The following RXFP1 variants were observed in gnomAD, a reference collection of about 807,000 sequenced individuals.
RXFP1 encodes the protein relaxin family peptide receptor 1, also known as relaxin receptor 1.
RXFP1 carries 73 observed loss-of-function variants against 89.8 expected under a neutral mutation model. The ratio of observed to expected loss-of-function variants is 0.81; its 90% CI spans 0.67 to 0.99. The LOEUF is 0.99. Ranked by LOEUF, RXFP1 falls within the 50% of genes least tolerant of loss-of-function variation. The pLI is 0.00. For missense variants in RXFP1, 793 were observed against 895.5 expected (o/e 0.89, Z 1.46); for synonymous variants, 277 against 305.5 (o/e 0.91, Z 0.97).
At chr4:158,550,727 G>A (rs1380174567) in intron 1 of RXFP1, among the ~76,000 whole-genome samples, 2 of 152,184 alleles carry the variant, frequency 1.3e-5, no homozygotes, top group African/African-American at 4.8e-5. Context: ...TAGTCTATAT[G>A]GGGAATTAGT....
chr4:158,559,576 T>G (rs1077093), intron 1 of RXFP1, among the ~76,000 whole-genome samples: 7 of 152,194 alleles, frequency 4.6e-5, no homozygotes, highest in Admixed American at 2.0e-4. Flanking sequence ...AAAAATTTTT[T>G]CATATACCTA....
At chr4:158,568,491 T>C (rs946711854) in intron 1 of RXFP1, among the ~76,000 whole-genome samples, 11 of 152,344 alleles carry the variant, frequency 7.2e-5, no homozygotes, top group African/African-American at 2.6e-4. Flanking sequence ...AAAATCTTGG[T>C]GTTTAAAGTG....
chr4:158,522,733 T>C (rs1320779831), intron 1 of RXFP1, among the ~76,000 whole-genome samples: 1 of 152,216 alleles, frequency 6.6e-6, no homozygotes, highest in Non-Finnish European at 1.5e-5. Context: ...AGTGTTTTTG[T>C]TTCTTAGGTA....
chr4:158,616,815 A>G (rs1764673132), intron 8 of RXFP1, among the ~76,000 whole-genome samples: 1 of 151,566 alleles, frequency 6.6e-6, no homozygotes, highest in Admixed American at 6.6e-5. Flanking sequence ...CCTGGCTAAC[A>G]TGGTGAAACC....
At chr4:158,610,509 G>T (rs1294454587) in intron 6 of RXFP1, 9 of 406,114 alleles carry the variant, frequency 2.2e-5, no homozygotes, top group Admixed American at 3.0e-5. Flanking sequence ...ATCTAAGATG[G>T]GAAAACAATG....
chr4:158,561,626 CTTTTTT>C (rs70962615), intron 1 of RXFP1, among the ~76,000 whole-genome samples: 14 of 112,588 alleles, frequency 1.2e-4, no homozygotes, highest in African/African-American at 4.3e-4. Context: ...TTCTTTTTTT[CTTTTTT>C]TTTTTTTTTT....
chr4:158,633,313 T>C, intron 11 of RXFP1, 92 bp from the exon 12 acceptor site: 1 of 806,494 alleles, frequency 1.2e-6, no homozygotes, highest in Non-Finnish European at 2.1e-6. Flanking sequence ...ATGGCATTGT[T>C]GAAAAGTTGT....
chr4:158,627,368 T>C (rs953545800), intron 10 of RXFP1, among the ~76,000 whole-genome samples: 5 of 152,178 alleles, frequency 3.3e-5, no homozygotes, highest in African/African-American at 1.2e-4. Flanking sequence ...TTGCAACTAA[T>C]AAGTAGGTGA....
intron 1 of RXFP1, among the ~76,000 whole-genome samples, chr4:158,570,092 T>G (rs1036270639): frequency 6.6e-6 from 1 of 152,162 alleles, no homozygotes; most frequent in Non-Finnish European, 1.5e-5. Context: ...AGAAACGCAA[T>G]TGCAAATAAT....
rs33982853 is a variant in RXFP1, at chr4:158,595,986, CAAAAAAA to C, written c.286+2497_286+2503del. 1.1e-4 allele frequency among the ~76,000 whole-genome samples: 12 copies of C among 113,066 alleles called. 1 individual carries two copies. Among genetic ancestry groups the C allele is most frequent in the Admixed American group, 7.1e-4 (8 of 11,220 alleles). The allele number at this position is 113,066 out of a possible 152,430, so 74.2% of individuals were successfully genotyped here. A position where few individuals can be genotyped will look rare whatever the true frequency, so the allele number is the denominator to read the frequency against. On this transcript the variant is annotated intron_variant, in intron 3 of 17. Coordinates refer to ENST00000307765, the MANE Select transcript of RXFP1 (RefSeq NM_021634.4). ...CAACATAGTGAGAACCCAATCTCTCCAAAAAAAAAAAAAAAATTAAAACTTAGCTGTG... is the reference window on the plus strand; with the variant it reads ...CAACATAGTGAGAACCCAATCTCTCCAAAAAAAAATTAAAACTTAGCTGTG...
chr4:158,551,209 G>C (rs1750023584), intron 1 of RXFP1, among the ~76,000 whole-genome samples: 1 of 152,206 alleles, frequency 6.6e-6, no homozygotes, highest in Non-Finnish European at 1.5e-5. Context: ...AAATAAGCCA[G>C]GCACAGAGAG....
intron 9 of RXFP1, among the ~76,000 whole-genome samples, chr4:158,622,289 C>A (rs1447923593): frequency 6.6e-6 from 1 of 151,566 alleles, no homozygotes; most frequent in African/African-American, 2.4e-5. Flanking sequence ...CCAGCCTGGG[C>A]GACAGAGCAA....
At position 158,569,194 on chromosome 4, in the gene RXFP1, A is replaced by G. The variant is rs543197303; in HGVS notation, c.50-3504A>G. On this transcript the variant is annotated intron_variant, in intron 1 of 17. Transcript: ENST00000307765. ...GTGAGTGGATAAATATATATTAGTA[A>G]GTGTGAGAAGCCAGTTTGAAAAGGC... Among the ~76,000 whole-genome samples the G allele has an allele frequency of 6.9e-4, 105 of 152,242 alleles. 1 individual carries two copies. The highest frequency in any genetic ancestry group is 1.2e-3 in the Non-Finnish European group (85 of 68,048).
rs576974426 is a variant in RXFP1, at chr4:158,622,168, G to A, written c.756-4652G>A. Among the ~76,000 whole-genome samples, 21 of 152,164 alleles carry A rather than the reference G, an allele frequency of 1.4e-4. No homozygotes were observed. The East Asian group carries it at 1.5e-3, about 11-fold the overall frequency. On this transcript the variant is annotated intron_variant, in intron 9 of 17. Coordinates refer to ENST00000307765, the MANE Select transcript of RXFP1 (RefSeq NM_021634.4). ...TCTACTAAAAATACGAAAATTAGCCGGGCATGGTGGCAGGCACCTGTAATC... is the reference window on the plus strand; with the variant it reads ...TCTACTAAAAATACGAAAATTAGCCAGGCATGGTGGCAGGCACCTGTAATC...
At chr4:158,585,677 G>GA (rs201922136) in intron 2 of RXFP1, among the ~76,000 whole-genome samples, 6 of 148,806 alleles carry the variant, frequency 4.0e-5, no homozygotes, top group African/African-American at 9.9e-5. Flanking sequence ...GATGATAAAA[G>GA]AAAAAAAAAG....
rs1481852072 is a variant in RXFP1 at position 158,521,900 on chromosome 4, C to T, written c.-77C>T. The T allele has an allele frequency of 3.3e-6, 3 of 901,098 alleles. No individual in the cohort carries two copies. The highest frequency in any genetic ancestry group is 5.5e-6 in the Non-Finnish European group (3 of 548,882). The allele number at this position is 901,098 out of a possible 1,614,324, so 55.8% of individuals were successfully genotyped here. A position where few individuals can be genotyped will look rare whatever the true frequency, so the allele number is the denominator to read the frequency against. On this transcript the variant is annotated 5_prime_UTR_variant, in exon 1 of 18. Transcript: ENST00000307765. Reference sequence around the variant, plus strand: ...TGCAGACAGAAATAGCACACAACCACTGTGAGCTGTATGCGATTCAGAAAC... The same window carrying T: ...TGCAGACAGAAATAGCACACAACCATTGTGAGCTGTATGCGATTCAGAAAC...
chr4:158,568,685 A>G (rs1177679229), intron 1 of RXFP1, among the ~76,000 whole-genome samples: 1 of 152,194 alleles, frequency 6.6e-6, no homozygotes, highest in Non-Finnish European at 1.5e-5. Flanking sequence ...CATTATTTGT[A>G]GCACAGCTCA....
intron 1 of RXFP1, among the ~76,000 whole-genome samples, chr4:158,523,162 T>G (rs936094): frequency 6.6e-5 from 10 of 152,204 alleles, no homozygotes; most frequent in Non-Finnish European, 1.2e-4. Context: ...AACAATAAAT[T>G]GCAAACCACC....
At chr4:158,640,446 G>A (rs554877073) in intron 14 of RXFP1, among the ~76,000 whole-genome samples, 51 of 152,284 alleles carry the variant, frequency 3.3e-4, no homozygotes, top group African/African-American at 4.8e-4. Context: ...TGGTGAGGTC[G>A]TCAGGAAAGC....
Sources: allele counts gnomAD v4.1 joint callset (sites outside exome capture counted in the v4.1 genomes callset), GRCh38; gene constraint gnomAD v4.1.1; transcripts MANE v1.5; gene names NCBI Gene and HGNC (gene_info 2026-07-23, HGNC 2026-07-21).